Variants in LRP1B observed in about 807,000 individuals in gnomAD.
LRP1B encodes the protein low-density lipoprotein receptor-related protein 1B.
LRP1B carries 217 observed loss-of-function variants against 556.6 expected under a neutral mutation model. The ratio of observed to expected loss-of-function variants is 0.39; its 90% CI spans 0.35 to 0.44. The LOEUF (loss-of-function observed/expected upper bound fraction) is 0.44. Ranked by LOEUF, LRP1B falls within the 20% of genes least tolerant of loss-of-function variation. The pLI is 1.00. For synonymous variants in LRP1B, 2,047 were observed against 1,865.8 expected (o/e 1.10, Z -2.50); for missense variants, 5,053 against 5,620.8 (o/e 0.90, Z 3.23).
At chr2:141,809,316 TGAAAATG>T (rs1385220991) in intron 2 of LRP1B, among the ~76,000 whole-genome samples, 1 of 152,072 alleles carries the variant, frequency 6.6e-6, no homozygotes, top group East Asian at 1.9e-4. Flanking sequence ...AATGGAAAGA[TGAAAATG>T]GAAAATGAAA....
At chr2:140,270,396 A>G in intron 85 of LRP1B, 50 bp from the exon 86 acceptor site, 1 of 1,162,782 alleles carries the variant, frequency 8.6e-7, no homozygotes, top group Non-Finnish European at 1.3e-6. Flanking sequence ...TGGCAACATT[A>G]TTGCTGAAAG....
intron 7 of LRP1B, among the ~76,000 whole-genome samples, chr2:141,137,748 T>C (rs1244502843): frequency 2.6e-5 from 4 of 152,104 alleles, no homozygotes; most frequent in Non-Finnish European, 4.4e-5. Flanking sequence ...ATGTTGGTAT[T>C]TGAACCCAAG....
intron 6 of LRP1B, among the ~76,000 whole-genome samples, 168 bp downstream of exon 6, chr2:141,229,015 G>A (rs533420927): frequency 7.9e-5 from 12 of 152,242 alleles, no homozygotes; most frequent in East Asian, 5.8e-4. Flanking sequence ...ATGTGTATGT[G>A]TTTGTATATG....
chr2:141,610,656 AT>A (rs1210786459), intron 2 of LRP1B, among the ~76,000 whole-genome samples: 3 of 152,152 alleles, frequency 2.0e-5, no homozygotes, highest in Non-Finnish European at 4.4e-5. Flanking sequence ...ATGCCTAGTC[AT>A]TTCTACACCA....
At chr2:141,219,609 T>C (rs958388123) in intron 6 of LRP1B, among the ~76,000 whole-genome samples, 2 of 152,178 alleles carry the variant, frequency 1.3e-5, no homozygotes, top group Non-Finnish European at 2.9e-5. Flanking sequence ...CACAGGCTTC[T>C]GATCACATGC....
chr2:140,515,836 T>C (rs1237856478), intron 50 of LRP1B, among the ~76,000 whole-genome samples: 1 of 152,128 alleles, frequency 6.6e-6, no homozygotes, highest in Non-Finnish European at 1.5e-5. Context: ...CATTTCATGA[T>C]GACATTTACT....
intron 2 of LRP1B, among the ~76,000 whole-genome samples, chr2:141,561,854 A>G (rs940701339): frequency 2.0e-5 from 3 of 151,550 alleles, no homozygotes; most frequent in South Asian, 2.1e-4. Context: ...TATATACTGT[A>G]AGTCTTAACA....
At chr2:141,278,849 G>A (rs1473065268) in intron 3 of LRP1B, among the ~76,000 whole-genome samples, 2 of 152,098 alleles carry the variant, frequency 1.3e-5, no homozygotes, top group Non-Finnish European at 1.5e-5. Flanking sequence ...TTTACTTCTT[G>A]CCCTTTCCTA....
At chr2:140,422,115 G>A (rs565131104) in intron 66 of LRP1B, among the ~76,000 whole-genome samples, 3 of 152,214 alleles carry the variant, frequency 2.0e-5, no homozygotes, top group South Asian at 2.1e-4. Flanking sequence ...AATATTTATC[G>A]GTGTCAGATT....
chr2:141,618,168 T>A (rs1257783386), intron 2 of LRP1B, among the ~76,000 whole-genome samples: 1 of 152,156 alleles, frequency 6.6e-6, no homozygotes. Flanking sequence ...TTATTGTCCT[T>A]TCTCTGGTGT....
chr2:141,160,767 ACT>A (rs1323254002), intron 7 of LRP1B, among the ~76,000 whole-genome samples: 1 of 152,026 alleles, frequency 6.6e-6, no homozygotes, highest in Non-Finnish European at 1.5e-5. Context: ...GGAAAGTATG[ACT>A]CTAACGGGAA....
In LRP1B at chr2:141,493,473, C is replaced by T. The variant is rs1392274108; in HGVS notation, c.206-12940G>A. The stretch of plus-strand genomic sequence containing the variant: ...ATGAAATATACTGTACAGGTCATAG[C>T]TTTTACCAACAGCCATAAATAGGCA... On this transcript the variant is annotated intron_variant, in intron 2 of 90. Coordinates refer to ENST00000389484, the MANE Select transcript of LRP1B (RefSeq NM_018557.3). 2.6e-5 allele frequency among the ~76,000 whole-genome samples: 4 copies of T among 152,256 alleles called. 1 individual carries two copies. The highest frequency in any genetic ancestry group is 2.6e-4 in the Admixed American group (4 of 15,278).
At chr2:141,585,526 G>T (rs2105286207) in intron 2 of LRP1B, among the ~76,000 whole-genome samples, 1 of 151,172 alleles carries the variant, frequency 6.6e-6, no homozygotes, top group South Asian at 2.1e-4. Context: ...TTTTAAGTTA[G>T]ACACCCTATT....
intron 84 of LRP1B, among the ~76,000 whole-genome samples, chr2:140,282,950 T>TAAGACATAC (rs1267953346): frequency 6.6e-6 from 1 of 151,780 alleles, no homozygotes; most frequent in Non-Finnish European, 1.5e-5. Context: ...AATCACAAAG[T>TAAGACATAC]AAGACATACC....
intron 35 of LRP1B, among the ~76,000 whole-genome samples, chr2:140,718,566 C>T (rs1687290002): frequency 6.6e-6 from 1 of 151,872 alleles, no homozygotes. Context: ...AAAAGTATAG[C>T]TACAGATATA....
rs199982265 is a variant in LRP1B at position 140,492,627 on chromosome 2, T to C, written c.9101A>G (p.Asn3034Ser). ...TCATACCTGTTTTAAAAGTGTGTAG[T>C]TGGAGCCATCAGTGCTAATTTTCCT... ...EIRKISTDGS[N>S]YTLLKQGLNN... Residue 3034 changes from asparagine to serine, a missense_variant, in exon 57 of 91, where the codon AAC (asparagine) becomes AGC (serine). By Grantham distance (46) the Asn-to-Ser change is conservative. Transcript: ENST00000389484. 3.4e-5 allele frequency: 55 copies of C among 1,613,382 alleles called. No homozygotes were observed. The highest frequency in any genetic ancestry group is 4.3e-5 in the Non-Finnish European group (51 of 1,179,528).
intron 1 of LRP1B, among the ~76,000 whole-genome samples, chr2:142,122,953 G>A (rs1399626836): frequency 1.3e-5 from 2 of 151,946 alleles, no homozygotes; most frequent in Admixed American, 1.3e-4. Context: ...ATCTATTTTA[G>A]CAAAAGTTTA....
intron 46 of LRP1B, among the ~76,000 whole-genome samples, 154 bp downstream of exon 46, chr2:140,536,427 A>G (rs954332544): frequency 2.0e-5 from 3 of 151,710 alleles, no homozygotes; most frequent in Admixed American, 2.0e-4. Context: ...CCTCATTTTA[A>G]CACAAGCAAA....
intron 6 of LRP1B, among the ~76,000 whole-genome samples, chr2:141,205,810 C>T (rs1301183514): frequency 6.6e-6 from 1 of 152,020 alleles, no homozygotes; most frequent in Non-Finnish European, 1.5e-5. Context: ...AAATATCTCC[C>T]TTTGAGATAA....
Sources: gnomAD v4.1 joint callset for allele counts (sites outside exome capture counted in the v4.1 genomes callset) on GRCh38, gnomAD v4.1.1 for gene constraint, MANE v1.5 for transcripts, NCBI Gene and HGNC (gene_info 2026-07-23, HGNC 2026-07-21) for gene names.